The following FOXK2 variants were observed in gnomAD, a reference collection of about 807,000 sequenced individuals.
The protein encoded by FOXK2 is forkhead box protein K2.
A neutral mutation model predicts 53.3 loss-of-function variants in FOXK2; 24 were observed. The observed-to-expected ratio is 0.45, with a 90% CI of 0.33 to 0.63. The LOEUF is 0.63. Ranked by LOEUF, FOXK2 falls within the 30% of genes least tolerant of loss-of-function variation. The pLI, the probability that FOXK2 is intolerant of heterozygous loss-of-function variation, is 0.03. For synonymous variants in FOXK2, 505 were observed against 407.1 expected (o/e 1.24, Z -2.89); for missense variants, 952 against 910.5 (o/e 1.05, Z -0.59).
intron 2 of FOXK2, among the ~76,000 whole-genome samples, chr17:82,567,268 A>G (rs1032174697): frequency 5.9e-5 from 9 of 152,168 alleles, no homozygotes; most frequent in African/African-American, 2.2e-4. Context: ...TTACCTTGAT[A>G]TTGTTCCATT....
chr17:82,568,109 G>A lies in FOXK2; in HGVS notation c.670G>A (p.Val224Met), dbSNP rs748837368. The A allele has an allele frequency of 1.2e-6, 2 of 1,614,046 alleles. No individual in the cohort carries two copies. Among genetic ancestry groups the A allele is most frequent in the South Asian group, 1.1e-5 (1 of 91,084 alleles). Residue 224 changes from valine to methionine, a missense_variant, in exon 3 of 9, where the codon GTG becomes ATG. By Grantham distance (21) the Val-to-Met change is conservative. This residue lies in a region of FOXK2 where 160 missense variants were observed against 214.2 expected (regional missense o/e 0.75). Transcript: ENST00000335255. ...GGGAGCGGGGTCTTCAGGGTACAAG[G>A]TGGGCCGAGTGATGCCATCTGACCT... ...PRGAGSSGYK[V>M]GRVMPSDLNL...
intron 1 of FOXK2, among the ~76,000 whole-genome samples, chr17:82,555,143 A>C (rs1282705804): frequency 6.6e-6 from 1 of 152,210 alleles, no homozygotes. Context: ...TCTTCCAGAC[A>C]CTTAAACTCC....
chr17:82,577,421 C>A (rs987317587), intron 4 of FOXK2: 3 of 410,532 alleles, frequency 7.3e-6, no homozygotes, highest in Non-Finnish European at 1.4e-5. Context: ...GCTCCTACCC[C>A]GCCTGTGGCC....
chr17:82,568,317 C>T lies in FOXK2; in HGVS notation c.762+116C>T, dbSNP rs961664046. On this transcript the variant is annotated intron_variant, in intron 3 of 8. Transcript: ENST00000335255. ...TCCAGTGACAGCCCTGCCAGGGCAT[C>T]GGTGGGGATGTGGGCTTGATTCTGG... 2.0e-5 allele frequency: 25 copies of T among 1,261,776 alleles called. No individual in the cohort carries two copies. The African/African-American group carries it at 2.4e-4, about 12-fold the overall frequency. The allele number at this position is 1,261,776 out of a possible 1,614,324, so 78.2% of individuals were successfully genotyped here. A position where few individuals can be genotyped will look rare whatever the true frequency, so the allele number is the denominator to read the frequency against.
chr17:82,587,294 C>T (rs2045195569), intron 8 of FOXK2, 22 bp downstream of exon 8: 8 of 1,589,848 alleles, frequency 5.0e-6, no homozygotes, highest in African/African-American at 1.3e-5. Context: ...TGGTCGGTGG[C>T]TCCCCGTGGC....
intron 1 of FOXK2, among the ~76,000 whole-genome samples, chr17:82,542,072 G>A (rs1384207286): frequency 6.6e-6 from 1 of 151,762 alleles, no homozygotes; most frequent in Admixed American, 6.6e-5. Context: ...GTAGAGACAG[G>A]GTTTCGCCAC....
intron 8 of FOXK2, among the ~76,000 whole-genome samples, chr17:82,591,988 C>A (rs1200204484): frequency 6.6e-6 from 1 of 152,196 alleles, no homozygotes; most frequent in Non-Finnish European, 1.5e-5. Context: ...ACTGCAGCCC[C>A]GACCTACTGG....
At chr17:82,548,449 C>T (rs778450019) in intron 1 of FOXK2, among the ~76,000 whole-genome samples, 1 of 152,080 alleles carries the variant, frequency 6.6e-6, no homozygotes, top group Non-Finnish European at 1.5e-5. Flanking sequence ...ATTTCTATGT[C>T]ATCTGTAGTG....
In FOXK2 at chr17:82,587,161, A is replaced by G. The variant is rs765718866; in HGVS notation, c.1675A>G (p.Ile559Val). 17 of 1,612,992 alleles carry G rather than the reference A, an allele frequency of 1.1e-5. No homozygotes were observed. Among genetic ancestry groups the G allele is most frequent in the Middle Eastern group, 3.3e-4 (2 of 6,084 alleles). The change falls in exon 8 of 9, where the codon ATA becomes GTA. Residue 559 changes from isoleucine to valine, a missense_variant. Ile to Val is a conservative substitution (Grantham distance 29). Coordinates refer to ENST00000335255, the MANE Select transcript of FOXK2 (RefSeq NM_004514.4). ...GACCACCCCGGTCCAGACGGTGACC[A>G]TAGTACAACAGGCACCTCTAGGTCA... ...AQTTPVQTVT[I>V]VQQAPLGQHQ... is the part of the protein sequence containing the mutation.
chr17:82,555,985 C>T (rs1472080315), intron 1 of FOXK2, among the ~76,000 whole-genome samples: 4 of 150,532 alleles, frequency 2.7e-5, no homozygotes, highest in Admixed American at 6.6e-5. Context: ...GTCATATGAT[C>T]CACATTTTGC....
chr17:82,564,761 C>CAGGA (rs1191422784), intron 2 of FOXK2, among the ~76,000 whole-genome samples: 8 of 136,098 alleles, frequency 5.9e-5, no homozygotes, highest in African/African-American at 2.3e-4. Flanking sequence ...GATGGAGTTT[C>CAGGA]ACCCTTTTTG....
intron 1 of FOXK2, among the ~76,000 whole-genome samples, chr17:82,523,595 C>G (rs937601909): frequency 8.6e-5 from 13 of 151,748 alleles, no homozygotes; most frequent in Non-Finnish European, 1.9e-4. Flanking sequence ...GCTTCAGCCT[C>G]CCGAGTACCT....
intron 8 of FOXK2, chr17:82,596,264 C>T (rs1302918517): frequency 2.1e-6 from 2 of 935,928 alleles, no homozygotes; most frequent in East Asian, 1.2e-4. Context: ...GGCAGTTGTT[C>T]GCTGACGCCT....
chr17:82,543,977 T>C (rs1038657206), intron 1 of FOXK2, among the ~76,000 whole-genome samples: 2 of 151,978 alleles, frequency 1.3e-5, no homozygotes, highest in Non-Finnish European at 2.9e-5. Context: ...GGGGTTTCAC[T>C]GTGTTAGCCA....
intron 1 of FOXK2, among the ~76,000 whole-genome samples, chr17:82,543,224 C>G (rs2044591201): frequency 6.6e-6 from 1 of 152,150 alleles, no homozygotes; most frequent in South Asian, 2.1e-4. Context: ...GACATGCTAT[C>G]AGAATATTTT....
At chr17:82,571,417 A>C (rs2044916412) in intron 3 of FOXK2, among the ~76,000 whole-genome samples, 1 of 152,152 alleles carries the variant, frequency 6.6e-6, no homozygotes, top group Non-Finnish European at 1.5e-5. Flanking sequence ...CCTGGCCAAC[A>C]TGGTGAAACC....
chr17:82,560,597 C>T (rs1270115185), intron 1 of FOXK2, among the ~76,000 whole-genome samples: 1 of 152,170 alleles, frequency 6.6e-6, no homozygotes, highest in Non-Finnish European at 1.5e-5. Flanking sequence ...GTTTCGATAC[C>T]AGTGGTCTGC....
At chr17:82,570,229 A>G (rs1189443546) in intron 3 of FOXK2, among the ~76,000 whole-genome samples, 1 of 150,532 alleles carries the variant, frequency 6.6e-6, no homozygotes, top group Non-Finnish European at 1.5e-5. Flanking sequence ...CTCAAAAAAA[A>G]AAGAGAGACA....
At chr17:82,577,341 C>T (rs2045000333) in intron 4 of FOXK2, 3 of 748,872 alleles carry the variant, frequency 4.0e-6, no homozygotes, top group Admixed American at 4.3e-5. Flanking sequence ...GCAAATTCAT[C>T]AGAGGTGGAG....
Sources: allele counts gnomAD v4.1 joint callset (sites outside exome capture counted in the v4.1 genomes callset), GRCh38; gene constraint gnomAD v4.1.1; regional missense constraint gnomAD v4.1.1; transcripts MANE v1.5; gene names NCBI Gene and HGNC (gene_info 2026-07-23, HGNC 2026-07-21).